The following PGCKA1 variants were observed in gnomAD, a reference collection of about 807,000 sequenced individuals.
PGCKA1 encodes the protein PDCD10 and GCKIII kinases associated 1, also known as PDCD10 and GCKIII kinases-associated protein 1.
At chr4:37,496,926 G>A in the PGCKA1 span, among the ~76,000 whole-genome samples, 2 of 152,010 alleles carry the variant, frequency 1.3e-5, no homozygotes, top group African/African-American at 4.8e-5. Context: ...AGGAATACTA[G>A]TGATTTTTTT....
the PGCKA1 span, among the ~76,000 whole-genome samples, chr4:37,508,683 C>CTTTTTTTTTTTTTTTTTTTTTTTTTTT: frequency 4.1e-4 from 35 of 84,804 alleles, 1 homozygote; most frequent in African/African-American, 1.4e-3. Context: ...TTTGCTGAAT[C>CTTTTTTTTTTTTTTTTTTTTTTTTTTT]TTTTTTTTAG....
the PGCKA1 span, among the ~76,000 whole-genome samples, chr4:37,487,209 T>A: frequency 6.6e-6 from 1 of 152,216 alleles, no homozygotes; most frequent in Admixed American, 6.5e-5. Flanking sequence ...AAAAAGAGAT[T>A]GACCCCCACA....
the PGCKA1 span, among the ~76,000 whole-genome samples, chr4:37,561,804 A>ATATAACTTG: frequency 2.6e-5 from 4 of 152,236 alleles, no homozygotes; most frequent in Admixed American, 2.6e-4. Context: ...ACTGATCAAT[A>ATATAACTTG]TATAACTTGT....
the PGCKA1 span, among the ~76,000 whole-genome samples, chr4:37,541,372 T>C: frequency 2.6e-5 from 4 of 152,156 alleles, no homozygotes; most frequent in Non-Finnish European, 5.9e-5. Flanking sequence ...CTGGTGCCCT[T>C]TTCCCTTCTT....
chr4:37,469,428 T>C, the PGCKA1 span, among the ~76,000 whole-genome samples: 1 of 152,128 alleles, frequency 6.6e-6, no homozygotes, highest in Non-Finnish European at 1.5e-5. Context: ...AGAGACTGTG[T>C]AGTAGTCAAG....
the PGCKA1 span, among the ~76,000 whole-genome samples, chr4:37,473,065 G>A: frequency 4.6e-5 from 7 of 152,130 alleles, no homozygotes; most frequent in East Asian, 5.8e-4. Context: ...TGAACCCTTC[G>A]TAAAGTATAG....
the PGCKA1 span, among the ~76,000 whole-genome samples, chr4:37,501,350 G>C: frequency 6.6e-6 from 1 of 152,104 alleles, no homozygotes; most frequent in Admixed American, 6.5e-5. Context: ...AGGGGCATCA[G>C]ATTCTCATAA....
the PGCKA1 span, among the ~76,000 whole-genome samples, chr4:37,473,066 T>G: frequency 2.0e-5 from 3 of 152,176 alleles, no homozygotes; most frequent in Non-Finnish European, 4.4e-5. Flanking sequence ...GAACCCTTCG[T>G]AAAGTATAGA....
the PGCKA1 span, among the ~76,000 whole-genome samples, chr4:37,465,057 C>CA: frequency 2.0e-5 from 3 of 152,094 alleles, no homozygotes; most frequent in Non-Finnish European, 4.4e-5. Context: ...GAAGAGTTTT[C>CA]AAAATAACAA....
chr4:37,489,032 G>C, the PGCKA1 span, among the ~76,000 whole-genome samples: 7 of 152,234 alleles, frequency 4.6e-5, no homozygotes, highest in East Asian at 1.4e-3. Context: ...CAGGCCACCT[G>C]TGATAATTGA....
At chr4:37,535,218 G>A in the PGCKA1 span, among the ~76,000 whole-genome samples, 1 of 152,268 alleles carries the variant, frequency 6.6e-6, no homozygotes, top group East Asian at 1.9e-4. Context: ...GTGACAGCGT[G>A]ACGTGTTTTT....
At chr4:37,529,025 C>T in the PGCKA1 span, among the ~76,000 whole-genome samples, 1 of 152,166 alleles carries the variant, frequency 6.6e-6, no homozygotes, top group Admixed American at 6.5e-5. Flanking sequence ...ACTTTAACAA[C>T]TTAACAATAT....
chr4:37,489,046 T>G, the PGCKA1 span, among the ~76,000 whole-genome samples: 1 of 152,138 alleles, frequency 6.6e-6, no homozygotes, highest in South Asian at 2.1e-4. Context: ...TAATTGAGTA[T>G]GCATGGATTT....
the PGCKA1 span, among the ~76,000 whole-genome samples, chr4:37,540,897 A>G: frequency 6.6e-6 from 1 of 152,092 alleles, no homozygotes; most frequent in Non-Finnish European, 1.5e-5. Context: ...GTTAGAGCCA[A>G]CTCAGGCTTA....
chr4:37,532,769 T>G, the PGCKA1 span, among the ~76,000 whole-genome samples: 1 of 152,112 alleles, frequency 6.6e-6, no homozygotes, highest in African/African-American at 2.4e-5. Context: ...CTAAAAAGTA[T>G]GCTGACTGCT....
chr4:37,496,326 G>C, the PGCKA1 span, among the ~76,000 whole-genome samples: 1 of 152,188 alleles, frequency 6.6e-6, no homozygotes, highest in African/African-American at 2.4e-5. Flanking sequence ...CATATGGCAA[G>C]CCAGTTTTCC....
chr4:37,519,902 T>C, the PGCKA1 span, among the ~76,000 whole-genome samples: 23 of 152,210 alleles, frequency 1.5e-4, no homozygotes, highest in Non-Finnish European at 2.8e-4. Flanking sequence ...GGGTCTGTCA[T>C]ATATGGCTTT....
At chr4:37,511,502 G>C in the PGCKA1 span, among the ~76,000 whole-genome samples, 3 of 152,218 alleles carry the variant, frequency 2.0e-5, no homozygotes, top group Middle Eastern at 3.4e-3. Flanking sequence ...TCATCCAAGG[G>C]CTAGGTCCCG....
chr4:37,512,292 T>G, the PGCKA1 span, among the ~76,000 whole-genome samples: 1 of 152,086 alleles, frequency 6.6e-6, no homozygotes, highest in Non-Finnish European at 1.5e-5. Flanking sequence ...AACCCTCTGT[T>G]CATCCATCTT....
Sources: allele counts gnomAD v4.1 joint callset (sites outside exome capture counted in the v4.1 genomes callset), GRCh38; gene constraint gnomAD v4.1.1; transcripts MANE v1.5; gene names NCBI Gene and HGNC (gene_info 2026-07-23, HGNC 2026-07-21).